GOLGA7: variants seen among roughly 807,000 people sequenced by gnomAD.
The protein encoded by GOLGA7 is golgin A7, also known as golgin subfamily A member 7.
In GOLGA7, 10 loss-of-function variants were observed where a neutral mutation model predicts 21.1. The observed-to-expected ratio is 0.47, with a 90% CI of 0.29 to 0.80. The LOEUF is 0.80. Ranked by LOEUF, GOLGA7 falls within the 30% of genes least tolerant of loss-of-function variation. GOLGA7 has a pLI of 0.08. For missense variants in GOLGA7, 114 were observed against 166.8 expected, an observed-to-expected ratio of 0.68 and a Z score of 1.74; for synonymous variants, 64 against 62.6, an observed-to-expected ratio of 1.02 and a Z score of -0.10.
chr8:41,492,294 A>G (rs924557800), intron 1 of GOLGA7, among the ~76,000 whole-genome samples: 1 of 152,260 alleles, frequency 6.6e-6, no homozygotes, highest in Admixed American at 6.5e-5. Flanking sequence ...GCAAGTGGCC[A>G]GTTGGGTAGA....
chr8:41,507,926 T>C (rs1044350095), intron 4 of GOLGA7, among the ~76,000 whole-genome samples: 8 of 152,200 alleles, frequency 5.3e-5, no homozygotes, highest in African/African-American at 1.9e-4. Flanking sequence ...AGCAGACACA[T>C]GTCTTCCTAG....
intron 1 of GOLGA7, among the ~76,000 whole-genome samples, chr8:41,494,171 G>A (rs1033024467): frequency 4.6e-5 from 7 of 151,974 alleles, no homozygotes; most frequent in Non-Finnish European, 8.8e-5. Context: ...TCGGAATAAC[G>A]CATAAGAATT....
chr8:41,495,733 A>G (rs1388809870), intron 1 of GOLGA7, among the ~76,000 whole-genome samples: 1 of 152,156 alleles, frequency 6.6e-6, no homozygotes, highest in African/African-American at 2.4e-5. Flanking sequence ...GTAGTTATTA[A>G]TTTTAGAAAT....
chr8:41,505,549 G>T (rs921873057), intron 2 of GOLGA7, among the ~76,000 whole-genome samples: 3 of 152,174 alleles, frequency 2.0e-5, no homozygotes, highest in African/African-American at 7.2e-5. Flanking sequence ...AGCACTTTAT[G>T]AATAGGAAAA....
In GOLGA7 at chr8:41,510,456, T is replaced by A. The variant is rs1358161171; in HGVS notation, c.*888T>A. 1.3e-5 allele frequency: 2 copies of A among 152,516 alleles called. No homozygotes were observed. The highest frequency in any genetic ancestry group is 3.8e-4 in the East Asian group (2 of 5,196). 9.4% of individuals were successfully genotyped at this position (152,516 alleles called of 1,614,324 possible). A position where few individuals can be genotyped will look rare whatever the true frequency, so the allele number is the denominator to read the frequency against. ...ATAAATATAACTTATGAGAAAAAAA[T>A]TTGATAGGAATAATACTGTATATTA... On this transcript the variant is annotated 3_prime_UTR_variant, in exon 5 of 5. Coordinates refer to ENST00000357743, the MANE Select transcript of GOLGA7 (RefSeq NM_001002296.2).
intron 4 of GOLGA7, among the ~76,000 whole-genome samples, 167 bp downstream of exon 4, chr8:41,507,288 G>A (rs1312877399): frequency 6.6e-6 from 1 of 152,154 alleles, no homozygotes; most frequent in Admixed American, 6.5e-5. Flanking sequence ...TTTAAAATGT[G>A]TATTCGGCCC....
intron 2 of GOLGA7, among the ~76,000 whole-genome samples, chr8:41,501,204 CA>C (rs1234208686): frequency 2.0e-5 from 3 of 151,978 alleles, no homozygotes; most frequent in Non-Finnish European, 4.4e-5. Flanking sequence ...AGATCTTGGA[CA>C]AATTAATCTC....
intron 1 of GOLGA7, among the ~76,000 whole-genome samples, chr8:41,495,473 CAG>C (rs200399966): frequency 0.014 from 2,108 of 151,588 alleles, 137 homozygotes; most frequent in Admixed American, 0.1. Flanking sequence ...TTAGTAGAGA[CAG>C]AGTTTCACCA....
intron 4 of GOLGA7, among the ~76,000 whole-genome samples, chr8:41,508,945 TAAC>T (rs1421599183): frequency 6.6e-6 from 1 of 152,224 alleles, no homozygotes; most frequent in Non-Finnish European, 1.5e-5. Context: ...ATTAGTGACT[TAAC>T]AAAAGACTAC....
chr8:41,507,440 A>G (rs1395042518), intron 4 of GOLGA7, among the ~76,000 whole-genome samples: 1 of 152,170 alleles, frequency 6.6e-6, no homozygotes, highest in African/African-American at 2.4e-5. Context: ...ACTATCCTAG[A>G]CATATAAATA....
Position 41,497,637 on chromosome 8 carries a change from A to G in GOLGA7, c.240A>G (p.Leu80=), listed in dbSNP as rs201213146. The G allele has an allele frequency of 1.3e-6, 2 of 1,563,784 alleles. No individual in the cohort carries two copies. The highest frequency in any genetic ancestry group is 1.4e-5 in the African/African-American group (1 of 73,872). Residue 80 remains leucine (L), a synonymous_variant, in exon 2 of 5, where the codon CTA becomes CTG. Coordinates refer to ENST00000357743, the MANE Select transcript of GOLGA7 (RefSeq NM_001002296.2). ...LACLTAYTIF[L]CMETHYEKVL... ...GTTTAACAGCATATACCATCTTCCTATGCATGGAAACTCATTATGAGAAGG... is the reference window on the plus strand; with the variant it reads ...GTTTAACAGCATATACCATCTTCCTGTGCATGGAAACTCATTATGAGAAGG...
At position 41,496,763 on chromosome 8, in the gene GOLGA7, C is replaced by CTTTA. The variant is rs200604498; in HGVS notation, c.112-744_112-741dup. ...TCCTTGCTTTTGTGTCCCCACTAGG[C>CTTTA]TTTATATTTGCCTATATGATAGTAC... On this transcript the variant is annotated intron_variant, in intron 1 of 4. Transcript: ENST00000357743. Among the ~76,000 whole-genome samples, 86 of 137,104 alleles carry CTTTA rather than the reference C, an allele frequency of 6.3e-4. 2 individuals carry two copies. The East Asian group carries it at 0.015, about 24-fold the overall frequency. 89.9% of individuals were successfully genotyped at this position (137,104 alleles called of 152,430 possible).
intron 2 of GOLGA7, among the ~76,000 whole-genome samples, chr8:41,498,229 GGGT>G (rs1335729384): frequency 1.3e-5 from 2 of 152,148 alleles, no homozygotes; most frequent in African/African-American, 4.8e-5. Context: ...CCACTATCCT[GGGT>G]TATGCCCTTA....
At chr8:41,498,961 C>T (rs1372353799) in intron 2 of GOLGA7, among the ~76,000 whole-genome samples, 2 of 152,234 alleles carry the variant, frequency 1.3e-5, no homozygotes, top group Non-Finnish European at 2.9e-5. Flanking sequence ...AAATGTCTTA[C>T]ACTCCATGTA....
intron 2 of GOLGA7, 64 bp downstream of exon 2, chr8:41,497,725 A>G (rs1806055430): frequency 1.3e-6 from 1 of 794,022 alleles, no homozygotes; most frequent in East Asian, 2.5e-5. Flanking sequence ...TTTATTACAC[A>G]TTGATGCTTA....
At chr8:41,494,929 A>G (rs66935240) in intron 1 of GOLGA7, among the ~76,000 whole-genome samples, 21,547 of 152,030 alleles carry the variant, frequency 0.14, 1,603 homozygotes, top group African/African-American at 0.18. Flanking sequence ...ACTTTAAAAG[A>G]TTATGTTCTT....
In GOLGA7 at chr8:41,497,526, T is replaced by G; in HGVS notation, c.129T>G (p.Phe43Leu). ...CTCTACAGATTGATAGGCAGCAGTT[T>G]GAAGAAACAGTTCGAACTCTAAATA... ...ELENRIDRQQ[F>L]EETVRTLNNL... Residue 43 changes from phenylalanine (F) to leucine (L), a missense_variant, in exon 2 of 5, where the codon TTT becomes TTG. By Grantham distance (22) the Phe-to-Leu change is conservative. Coordinates refer to ENST00000357743, the MANE Select transcript of GOLGA7 (RefSeq NM_001002296.2). The G allele has an allele frequency of 6.4e-7, 1 of 1,557,260 alleles. No individual in the cohort carries two copies. Among genetic ancestry groups the G allele is most frequent in the Non-Finnish European group, 8.8e-7 (1 of 1,137,654 alleles).
At chr8:41,506,660 AGTT>A (rs962236416) in intron 3 of GOLGA7, among the ~76,000 whole-genome samples, 1 of 152,194 alleles carries the variant, frequency 6.6e-6, no homozygotes, top group African/African-American at 2.4e-5. Context: ...CTGCAACAAT[AGTT>A]CTTAAACTTT....
chr8:41,504,084 A>G (rs938019566), intron 2 of GOLGA7, among the ~76,000 whole-genome samples: 3 of 146,902 alleles, frequency 2.0e-5, no homozygotes, highest in African/African-American at 5.1e-5. Flanking sequence ...ACTAACCTGC[A>G]CAATGTGCAC....
Sources: allele counts gnomAD v4.1 joint callset (sites outside exome capture counted in the v4.1 genomes callset), GRCh38; gene constraint gnomAD v4.1.1; transcripts MANE v1.5; gene names NCBI Gene and HGNC (gene_info 2026-07-23, HGNC 2026-07-21).